Variants in CACHD1 observed in about 807,000 individuals in gnomAD.
The protein encoded by CACHD1 is cache domain containing 1.
In CACHD1, 71 loss-of-function variants were observed where a neutral mutation model predicts 138.7. The observed-to-expected ratio is 0.51, with a 90% CI of 0.42 to 0.62. CACHD1 has a LOEUF of 0.62. Among genes scored for constraint, CACHD1 ranks in the 20% least tolerant of loss-of-function variants. The pLI, the probability that CACHD1 is intolerant of heterozygous loss-of-function variation, is 0.00. For synonymous variants in CACHD1, 578 were observed against 591.5 expected (o/e 0.98, Z 0.33); for missense variants, 1,389 against 1,625.3 (o/e 0.85, Z 2.50).
chr1:64,587,068 C>T (rs918022932), intron 3 of CACHD1, among the ~76,000 whole-genome samples: 8 of 152,204 alleles, frequency 5.3e-5, no homozygotes, highest in Admixed American at 2.0e-4. Flanking sequence ...GAATCTTCTT[C>T]ATTCTTAAGT....
At chr1:64,536,584 G>A (rs982539811) in intron 1 of CACHD1, among the ~76,000 whole-genome samples, 6 of 152,266 alleles carry the variant, frequency 3.9e-5, no homozygotes, top group Admixed American at 2.0e-4. Context: ...TTAATAGTGG[G>A]AGGCTGAGAG....
Position 64,641,874 on chromosome 1 carries a change from C to T in CACHD1, c.1061C>T (p.Ser354Leu), listed in dbSNP as rs138182807. The stretch of plus-strand genomic sequence containing the variant: ...GCTGGCATTACATCAAAGGACTCTT[C>T]GGAAGAAGATAAAAAAGCGACTCTC... ...LSAGITSKDS[S>L]EEDKKATLQV... is the part of the protein sequence containing the mutation. Residue 354 changes from serine (S) to leucine (L), a missense_variant, in exon 8 of 27, where the codon TCG (serine) becomes TTG (leucine). This residue lies in a region of CACHD1 where 1,000 missense variants were observed against 1,114.7 expected (regional missense o/e 0.90). Coordinates refer to ENST00000651257, the MANE Select transcript of CACHD1 (RefSeq NM_020925.4). 2.6e-5 allele frequency: 41 copies of T among 1,582,358 alleles called. 1 individual carries two copies. Among genetic ancestry groups the T allele is most frequent in the South Asian group, 2.5e-4 (22 of 88,258 alleles).
At chr1:64,640,347 CT>C (rs1488475852) in intron 7 of CACHD1, among the ~76,000 whole-genome samples, 2 of 152,138 alleles carry the variant, frequency 1.3e-5, no homozygotes, top group African/African-American at 4.8e-5. Context: ...ATAAATATTT[CT>C]CAGTAAAAAG....
intron 13 of CACHD1, among the ~76,000 whole-genome samples, chr1:64,662,429 C>T (rs1649474241): frequency 6.6e-6 from 1 of 152,114 alleles, no homozygotes; most frequent in African/African-American, 2.4e-5. Context: ...AGTGTGGCAC[C>T]GGACAGGATG....
At position 64,538,176 on chromosome 1, in the gene CACHD1, A is replaced by T. The variant is rs573140283; in HGVS notation, c.199-12418A>T. 4.6e-5 allele frequency among the ~76,000 whole-genome samples: 7 copies of T among 152,302 alleles called. No individual in the cohort carries two copies. In the South Asian group the frequency reaches 1.0e-3, roughly 23 times the overall value. On this transcript the variant is annotated intron_variant, in intron 1 of 26. Transcript: ENST00000651257. ...AACGATATAGTCAGGAGGACCTGGG[A>T]GTCATTTATGTAATCATATTAGCAT...
At chr1:64,589,453 C>CA (rs1478249928) in intron 3 of CACHD1, among the ~76,000 whole-genome samples, 1 of 151,916 alleles carries the variant, frequency 6.6e-6, no homozygotes, top group Non-Finnish European at 1.5e-5. Context: ...TAGGGTCCTC[C>CA]AAAGAAGTAG....
intron 7 of CACHD1, among the ~76,000 whole-genome samples, chr1:64,635,415 A>G (rs1648487869): frequency 7.8e-6 from 1 of 127,894 alleles, no homozygotes; most frequent in Non-Finnish European, 1.6e-5. Flanking sequence ...ACAGAGTCTC[A>G]CTTTGTCACC....
chr1:64,645,084 G>C (rs1007996639), intron 8 of CACHD1, among the ~76,000 whole-genome samples: 82 of 152,210 alleles, frequency 5.4e-4, no homozygotes, highest in African/African-American at 2.0e-3. Context: ...GCAATAGAGT[G>C]ATACTCTGTC....
At chr1:64,595,794 G>A (rs2100564713) in intron 3 of CACHD1, among the ~76,000 whole-genome samples, 1 of 152,290 alleles carries the variant, frequency 6.6e-6, no homozygotes, top group East Asian at 1.9e-4. Context: ...AATCTGTTGT[G>A]GTAGGGAAAT....
intron 3 of CACHD1, among the ~76,000 whole-genome samples, chr1:64,590,741 A>G (rs1040190228): frequency 2.6e-5 from 4 of 152,154 alleles, no homozygotes; most frequent in African/African-American, 9.7e-5. Context: ...ATCATTTCTA[A>G]GAAGAGGCAA....
intron 9 of CACHD1, among the ~76,000 whole-genome samples, chr1:64,650,609 A>C (rs1240880017): frequency 2.6e-5 from 4 of 152,150 alleles, no homozygotes; most frequent in African/African-American, 7.2e-5. Flanking sequence ...TCTTCCTATC[A>C]AGTGATGCAT....
intron 7 of CACHD1, among the ~76,000 whole-genome samples, chr1:64,637,426 G>A (rs1033149178): frequency 4.6e-5 from 7 of 152,194 alleles, no homozygotes; most frequent in Non-Finnish European, 7.3e-5. Flanking sequence ...AGAGATGCCA[G>A]AAATCTGGAT....
chr1:64,599,310 T>C (rs1488511899), intron 3 of CACHD1, among the ~76,000 whole-genome samples: 2 of 152,108 alleles, frequency 1.3e-5, no homozygotes, highest in Admixed American at 6.5e-5. Flanking sequence ...TGTTGTTTGA[T>C]TACAAAATAA....
intron 2 of CACHD1, among the ~76,000 whole-genome samples, chr1:64,559,021 A>C (rs1194765318): frequency 6.6e-6 from 1 of 152,222 alleles, no homozygotes; most frequent in Non-Finnish European, 1.5e-5. Flanking sequence ...GTTGCAGAGA[A>C]AAGGGAACAC....
In CACHD1 at chr1:64,562,812, A is replaced by G. The variant is rs533354795; in HGVS notation, c.261+12156A>G. On this transcript the variant is annotated intron_variant, in intron 2 of 26. Transcript: ENST00000651257. ...CTTTGCATTCTTGAGCATAGTTATA[A>G]TAGCTGCTTTAACATTTCGTCTGCT... Among the ~76,000 whole-genome samples, 181 of 152,296 alleles carry G rather than the reference A, an allele frequency of 1.2e-3. 1 individual carries two copies. The highest frequency in any genetic ancestry group is 4.1e-3 in the African/African-American group (172 of 41,554).
At chr1:64,654,461 T>C (rs1351744406) in intron 11 of CACHD1, among the ~76,000 whole-genome samples, 2 of 152,164 alleles carry the variant, frequency 1.3e-5, no homozygotes, top group African/African-American at 2.4e-5. Flanking sequence ...TGGAAAGAAT[T>C]AGAGTTGGGG....
rs1396575339 is a variant in CACHD1 at position 64,692,699 on chromosome 1, T to G, written c.*1138T>G. On this transcript the variant is annotated 3_prime_UTR_variant, in exon 27 of 27. Transcript: ENST00000651257. ...GTTAGCCAAGACATTATCCACCAAATTGCTTTGTGATTTATACAGGGATTA... is the reference window on the plus strand; with the variant it reads ...GTTAGCCAAGACATTATCCACCAAAGTGCTTTGTGATTTATACAGGGATTA... 6.6e-6 allele frequency: 1 copy of G among 152,226 alleles called. No homozygotes were observed. The highest frequency in any genetic ancestry group is 1.5e-5 in the Non-Finnish European group (1 of 68,042). 9.4% of individuals were successfully genotyped at this position (152,226 alleles called of 1,614,324 possible).
intron 8 of CACHD1, among the ~76,000 whole-genome samples, chr1:64,645,539 G>C (rs550369446): frequency 6.6e-6 from 1 of 152,274 alleles, no homozygotes; most frequent in Non-Finnish European, 1.5e-5. Flanking sequence ...GGGAGAAACT[G>C]GGAGAAACTG....
At chr1:64,653,092 A>T (rs2100683039) in intron 10 of CACHD1, among the ~76,000 whole-genome samples, 1 of 152,304 alleles carries the variant, frequency 6.6e-6, no homozygotes, top group East Asian at 1.9e-4. Context: ...TTGCAGAAAC[A>T]CAGATGGAGC....
Sources: allele counts gnomAD v4.1 joint callset (sites outside exome capture counted in the v4.1 genomes callset), GRCh38; gene constraint gnomAD v4.1.1; regional missense constraint gnomAD v4.1.1; transcripts MANE v1.5; gene names NCBI Gene and HGNC (gene_info 2026-07-23, HGNC 2026-07-21).